The following CYP24A1 variants were observed in gnomAD, a reference collection of about 807,000 sequenced individuals.
CYP24A1 encodes the protein 1,25-dihydroxyvitamin D(3) 24-hydroxylase, mitochondrial.
In CYP24A1, 68 loss-of-function variants were observed where a neutral mutation model predicts 62.4. The observed-to-expected ratio is 1.09, with a 90% CI of 0.90 to 1.33. CYP24A1 has a LOEUF of 1.33. CYP24A1 is among the 40% of genes most tolerant of loss of function. CYP24A1 has a pLI of 0.00. For synonymous variants in CYP24A1, 267 were observed against 253.0 expected, an observed-to-expected ratio of 1.06 and a Z score of -0.52; for missense variants, 787 against 653.0, an observed-to-expected ratio of 1.21 and a Z score of -2.24.
chr20:54,171,977 C>G (rs1278025152), intron 2 of CYP24A1: 8 of 455,242 alleles, frequency 1.8e-5, no homozygotes, highest in Admixed American at 3.6e-5. Context: ...GGCTGGGAGG[C>G]CTGGGGACAA....
rs774236790 is a variant in CYP24A1 at position 54,171,562 on chromosome 20, C to T, written c.543+15G>A. On this transcript the variant is annotated intron_variant, in intron 3 of 11. Coordinates refer to ENST00000216862, the MANE Select transcript of CYP24A1 (RefSeq NM_000782.5). The stretch of plus-strand genomic sequence containing the variant: ...TCCCCACGAGCCCCAGGAAAGCTGG[C>T]CCCAGCCTGCAGACCTCATTGATTT... The T allele has an allele frequency of 5.5e-5, 88 of 1,613,712 alleles. No homozygotes were observed. Among genetic ancestry groups the T allele is most frequent in the Non-Finnish European group, 7.1e-5 (84 of 1,179,832 alleles).
downstream of CYP24A1, among the ~76,000 whole-genome samples, chr20:54,152,604 C>T (rs189862305): frequency 3.9e-5 from 6 of 152,252 alleles, no homozygotes; most frequent in East Asian, 3.9e-4. Context: ...GGGAGGGAGA[C>T]GGTGGGAAGA....
chr20:54,173,510 G>T lies in CYP24A1; in HGVS notation c.70C>A (p.Pro24Thr). 1 of 1,567,838 alleles carries T rather than the reference G, an allele frequency of 6.4e-7. No homozygotes were observed. The highest frequency in any genetic ancestry group is 8.6e-7 in the Non-Finnish European group (1 of 1,156,992). ...GCCGTAGATGTCACCAGTCTCGGGGGCTGCCTCGGACTGCGCAGCTGCTGC... is the reference window on the plus strand; with the variant it reads ...GCCGTAGATGTCACCAGTCTCGGGGTCTGCCTCGGACTGCGCAGCTGCTGC... ...FLQQLRSPRQ[P>T]PRLVTSTAYT... is the part of the protein sequence containing the mutation. The change falls in exon 1 of 12, where the codon CCC becomes ACC. Residue 24 changes from proline to threonine, a missense_variant. By Grantham distance (38) the Pro-to-Thr change is conservative. Transcript: ENST00000216862. The surrounding 1 kb of genome is among the most constrained non-coding windows in gnomAD (Gnocchi z 7.2).
At chr20:54,146,685 C>A in the CYP24A1 span, among the ~76,000 whole-genome samples, 1 of 152,124 alleles carries the variant, frequency 6.6e-6, no homozygotes, top group Non-Finnish European at 1.5e-5. Context: ...TCAATGTGTG[C>A]AAAATATATT....
downstream of CYP24A1, among the ~76,000 whole-genome samples, chr20:54,153,159 C>A (rs571287084): frequency 4.6e-5 from 7 of 152,260 alleles, no homozygotes; most frequent in South Asian, 1.0e-3. Context: ...CGTTCTACCC[C>A]CCTTTCAATC....
chr20:54,150,373 G>A (rs987597714), downstream of CYP24A1, among the ~76,000 whole-genome samples: 3 of 151,630 alleles, frequency 2.0e-5, no homozygotes, highest in Non-Finnish European at 2.9e-5. Flanking sequence ...TCACTTTTTT[G>A]CCCAGGCTGA....
In CYP24A1 at chr20:54,162,233, T is replaced by G. The variant is rs960360992; in HGVS notation, c.990+484A>C. On this transcript the variant is annotated intron_variant, in intron 7 of 11. Coordinates refer to ENST00000216862, the MANE Select transcript of CYP24A1 (RefSeq NM_000782.5). ...AAGAGAGTATGCCTTTTTTTTTTTT[T>G]TTTTTTTTTTTTTTTTTTTTTACAG... Among the ~76,000 whole-genome samples, 25 of 126,598 alleles carry G rather than the reference T, an allele frequency of 2.0e-4. 2 individuals are homozygous for G. Among genetic ancestry groups the G allele is most frequent in the Non-Finnish European group, 3.0e-4 (17 of 56,814 alleles). 83.1% of individuals were successfully genotyped at this position (126,598 alleles called of 152,430 possible). A position where few individuals can be genotyped will look rare whatever the true frequency, so the allele number is the denominator to read the frequency against.
rs201884477 is a variant in CYP24A1, at chr20:54,173,120, C to G, written c.259-21G>C. 1 of 1,600,368 alleles carries G rather than the reference C, an allele frequency of 6.2e-7. No individual in the cohort carries two copies. Among genetic ancestry groups the G allele is most frequent in the Admixed American group, 1.7e-5 (1 of 59,996 alleles). On this transcript the variant is annotated intron_variant, in intron 1 of 11. Transcript: ENST00000216862. The surrounding 1 kb of genome is among the most constrained non-coding windows in gnomAD (Gnocchi z 7.2). Reference sequence around the variant, plus strand: ...TCCACCTGCAGCCGGCCGGGCACAGCGCGGTGTCAGCGCGCATCCTCCGCC... The same window carrying G: ...TCCACCTGCAGCCGGCCGGGCACAGGGCGGTGTCAGCGCGCATCCTCCGCC...
rs148543718 is a variant in CYP24A1, at chr20:54,168,268, G to A, written c.640+1324C>T. On this transcript the variant is annotated intron_variant, in intron 4 of 11. Transcript: ENST00000216862. Reference sequence around the variant, plus strand: ...CCTGCTCTCCTCTTGCACCCCCATGGGCAGTGAGCTCTGCCCTTTATTTCC... The same window carrying A: ...CCTGCTCTCCTCTTGCACCCCCATGAGCAGTGAGCTCTGCCCTTTATTTCC... 1.2e-4 allele frequency among the ~76,000 whole-genome samples: 19 copies of A among 152,264 alleles called. No homozygotes were observed. In the East Asian group the frequency reaches 3.7e-3, roughly 29 times the overall value.
chr20:54,159,169 A>G, intron 7 of CYP24A1, 46 bp from the exon 8 acceptor site: 5 of 1,470,412 alleles, frequency 3.4e-6, no homozygotes, highest in Non-Finnish European at 4.8e-6. Flanking sequence ...AAATAACTGC[A>G]TTAAACCACT....
intron 11 of CYP24A1, 48 bp downstream of exon 11, chr20:54,157,121 G>C: frequency 1.1e-6 from 1 of 918,092 alleles, no homozygotes; most frequent in Non-Finnish European, 1.8e-6. Flanking sequence ...CTCATCCCTC[G>C]TCATTCTCAC....
In CYP24A1 at chr20:54,162,220, C is replaced by CTTTTG. The variant is rs1568968780; in HGVS notation, c.990+496_990+497insCAAAA. On this transcript the variant is annotated intron_variant, in intron 7 of 11. Coordinates refer to ENST00000216862, the MANE Select transcript of CYP24A1 (RefSeq NM_000782.5). Reference sequence around the variant, plus strand: ...ATTATTGGCTTGAAAGAGAGTATGCCTTTTTTTTTTTTTTTTTTTTTTTTT... The same window carrying CTTTTG: ...ATTATTGGCTTGAAAGAGAGTATGCCTTTTGTTTTTTTTTTTTTTTTTTTTTTTTT... Among the ~76,000 whole-genome samples the CTTTTG allele has an allele frequency of 3.9e-4, 28 of 72,548 alleles. 2 individuals are homozygous for CTTTTG. The East Asian group carries it at 4.9e-3, about 13-fold the overall frequency. The allele number at this position is 72,548 out of a possible 152,430, so 47.6% of individuals were successfully genotyped here. A position where few individuals can be genotyped will look rare whatever the true frequency, so the allele number is the denominator to read the frequency against.
chr20:54,154,902 T>C (rs1568963758), intron 11 of CYP24A1, 141 bp from the exon 12 acceptor site: 1 of 123,882 alleles, frequency 8.1e-6, no homozygotes, highest in Non-Finnish European at 1.6e-5. Flanking sequence ...TAAGCACCAT[T>C]CTTGCAGAAA....
At position 54,157,466 on chromosome 20, in the gene CYP24A1, A is replaced by T; in HGVS notation, c.1356T>A (p.His452Gln). Residue 452 changes from histidine to glutamine, a missense_variant, in exon 10 of 12, where the codon CAT (histidine) becomes CAA (glutamine). Physicochemically the swap from His to Gln is conservative, Grantham distance 24. Transcript: ENST00000216862. ...QEKEKINPFA[H>Q]LPFGVGKRMC... The stretch of plus-strand genomic sequence containing the variant: ...TTCTTTTTCCAACGCCAAATGGAAG[A>T]TGCGCAAAAGGATTAATTTTTTCCT... The T allele has an allele frequency of 6.3e-7, 1 of 1,596,662 alleles. No individual in the cohort carries two copies. Among genetic ancestry groups the T allele is most frequent in the Non-Finnish European group, 8.6e-7 (1 of 1,164,046 alleles).
At chr20:54,165,169 G>A (rs1467991780) in intron 5 of CYP24A1, among the ~76,000 whole-genome samples, 5 of 152,268 alleles carry the variant, frequency 3.3e-5, no homozygotes, top group Admixed American at 2.0e-4. Flanking sequence ...ACGGGGCCGC[G>A]CAGCAGGAGG....
chr20:54,154,028 T>G lies in CYP24A1; in HGVS notation c.*744A>C, dbSNP rs894511369. 2 of 151,954 alleles carry G rather than the reference T, an allele frequency of 1.3e-5. No individual in the cohort carries two copies. Among genetic ancestry groups the G allele is most frequent in the Non-Finnish European group, 2.9e-5 (2 of 67,988 alleles). 9.4% of individuals were successfully genotyped at this position (151,954 alleles called of 1,614,324 possible). Reference sequence around the variant, plus strand: ...ATATTAAAAAAATGACTGAGGCAAATTACCATTAGAACCCACACACACATA... The same window carrying G: ...ATATTAAAAAAATGACTGAGGCAAAGTACCATTAGAACCCACACACACATA... On this transcript the variant is annotated 3_prime_UTR_variant, in exon 12 of 12. Transcript: ENST00000216862.
chr20:54,165,768 C>T lies in CYP24A1; in HGVS notation c.706G>A (p.Val236Met). ...LLQKNAGDEA[V>M]NFIMAIKTMM... is the part of the protein sequence containing the mutation. ...GTTTTGATGGCCATGATGAAGTTCACAGCTTCATCCCCTGCATTCTTCTGG... is the reference window on the plus strand; with the variant it reads ...GTTTTGATGGCCATGATGAAGTTCATAGCTTCATCCCCTGCATTCTTCTGG... Residue 236 changes from valine (V) to methionine (M), a missense_variant, in exon 5 of 12, where the codon GTG (valine) becomes ATG (methionine). Transcript: ENST00000216862. The T allele has an allele frequency of 6.6e-7, 1 of 1,522,408 alleles. No individual in the cohort carries two copies. The highest frequency in any genetic ancestry group is 1.1e-5 in the South Asian group (1 of 89,330). The allele number at this position is 1,522,408 out of a possible 1,614,324, so 94.3% of individuals were successfully genotyped here. A position where few individuals can be genotyped will look rare whatever the true frequency, so the allele number is the denominator to read the frequency against.
intron 4 of CYP24A1, among the ~76,000 whole-genome samples, chr20:54,168,847 CT>C (rs2092683091): frequency 7.4e-4 from 1 of 1,348 alleles, no homozygotes; most frequent in East Asian, 0.019. Context: ...TCCCTCCCTT[CT>C]TCCTTCCTTC....
chr20:54,159,188 A>G, intron 7 of CYP24A1, 65 bp from the exon 8 acceptor site: 7 of 1,316,150 alleles, frequency 5.3e-6, no homozygotes, highest in Non-Finnish European at 4.4e-6. Flanking sequence ...CTATTAGCTG[A>G]AAAAAAGGTG....
Sources: gnomAD v4.1 joint callset for allele counts (sites outside exome capture counted in the v4.1 genomes callset) on GRCh38, gnomAD v4.1.1 for gene constraint, Gnocchi (gnomAD v3.1) non-coding constraint, MANE v1.5 for transcripts, NCBI Gene and HGNC (gene_info 2026-07-23, HGNC 2026-07-21) for gene names.